The following BBS9 variants were observed in gnomAD, a reference collection of about 807,000 sequenced individuals.
BBS9 encodes protein PTHB1.
In BBS9, 89 loss-of-function variants were observed where a neutral mutation model predicts 117.7. The ratio of observed to expected loss-of-function variants is 0.76; its 90% CI spans 0.64 to 0.90. BBS9 has a LOEUF of 0.90. Among genes scored for constraint, BBS9 ranks in the 40% least tolerant of loss-of-function variants. BBS9 has a pLI of 0.00. For synonymous variants in BBS9, 379 were observed against 370.9 expected, an observed-to-expected ratio of 1.02 and a Z score of -0.25; for missense variants, 982 against 1,042.2, an observed-to-expected ratio of 0.94 and a Z score of 0.80.
intron 5 of BBS9, among the ~76,000 whole-genome samples, chr7:33,190,091 GA>G (rs1363377276): frequency 6.8e-6 from 1 of 146,426 alleles, no homozygotes; most frequent in Non-Finnish European, 1.5e-5. Flanking sequence ...TTCTTTTCTT[GA>G]TTATAGAGCT....
intron 19 of BBS9, among the ~76,000 whole-genome samples, chr7:33,404,220 A>G (rs1829491435): frequency 1.3e-5 from 2 of 152,214 alleles, no homozygotes; most frequent in South Asian, 4.2e-4. Flanking sequence ...TTTTGGTACC[A>G]GTACCATGCT....
At chr7:33,543,699 GAATTTCCC>G in intron 21 of BBS9, among the ~76,000 whole-genome samples, 1 of 152,278 alleles carries the variant, frequency 6.6e-6, no homozygotes, top group South Asian at 2.1e-4. Flanking sequence ...TTTTTGCGAT[GAATTTCCC>G]AGGTGTTCTT....
intron 18 of BBS9, 125 bp downstream of exon 18, chr7:33,383,963 ATGG>A: frequency 9.6e-7 from 1 of 1,038,412 alleles, no homozygotes. Flanking sequence ...TCTTATGTGG[ATGG>A]TGGATTTCGT....
chr7:33,408,050 C>G (rs1217731192), intron 19 of BBS9, among the ~76,000 whole-genome samples: 1 of 152,250 alleles, frequency 6.6e-6, no homozygotes, highest in East Asian at 1.9e-4. Flanking sequence ...GTGGAGCCTA[C>G]AGAGGCAGGC....
At chr7:33,332,798 A>G (rs1365580563) in intron 9 of BBS9, among the ~76,000 whole-genome samples, 2 of 152,188 alleles carry the variant, frequency 1.3e-5, no homozygotes, top group African/African-American at 4.8e-5. Context: ...GCTTTTTGAA[A>G]TTTATTCATT....
intron 1 of BBS9, among the ~76,000 whole-genome samples, chr7:33,130,446 T>A (rs901880617): frequency 3.3e-4 from 50 of 152,226 alleles, no homozygotes; most frequent in Non-Finnish European, 2.9e-5. Flanking sequence ...ACAGTTTAGA[T>A]GAGCTGCGCT....
chr7:33,150,974 T>A (rs934841571), intron 2 of BBS9, among the ~76,000 whole-genome samples: 1 of 152,212 alleles, frequency 6.6e-6, no homozygotes, highest in Non-Finnish European at 1.5e-5. Flanking sequence ...TACTGTTTTG[T>A]ACCGCATTTC....
chr7:33,427,537 TG>T (rs984099832), intron 19 of BBS9, among the ~76,000 whole-genome samples: 2 of 152,262 alleles, frequency 1.3e-5, no homozygotes, highest in Non-Finnish European at 2.9e-5. Context: ...GTTTTGCTAC[TG>T]TTCTTTTCTG....
intron 21 of BBS9, among the ~76,000 whole-genome samples, chr7:33,604,515 C>G (rs1230343689): frequency 6.6e-6 from 1 of 152,142 alleles, no homozygotes; most frequent in Non-Finnish European, 1.5e-5. Flanking sequence ...TTCTGATGCT[C>G]TGGTATTAAA....
intron 21 of BBS9, among the ~76,000 whole-genome samples, chr7:33,596,492 G>A (rs1862834774): frequency 6.6e-6 from 1 of 151,934 alleles, no homozygotes; most frequent in African/African-American, 2.4e-5. Flanking sequence ...AAGCCCTTTG[G>A]TCTGAAGTCC....
At chr7:33,333,803 G>C (rs1192846494) in intron 9 of BBS9, among the ~76,000 whole-genome samples, 1 of 152,018 alleles carries the variant, frequency 6.6e-6, no homozygotes, top group Admixed American at 6.6e-5. Context: ...GTGGAGATGG[G>C]ATTTCACCAC....
At chr7:33,282,013 C>T (rs1278250554) in intron 9 of BBS9, among the ~76,000 whole-genome samples, 3 of 151,476 alleles carry the variant, frequency 2.0e-5, no homozygotes, top group Non-Finnish European at 4.4e-5. Context: ...TAGGATCTCC[C>T]TATGTTGCCA....
intron 21 of BBS9, among the ~76,000 whole-genome samples, chr7:33,580,335 C>T (rs1034897553): frequency 5.3e-5 from 8 of 151,346 alleles, no homozygotes; most frequent in Admixed American, 4.6e-4. Context: ...AAGTTAATCA[C>T]GAGGCATTGT....
chr7:33,302,390 G>T (rs1806664805), intron 9 of BBS9, among the ~76,000 whole-genome samples: 1 of 152,028 alleles, frequency 6.6e-6, no homozygotes, highest in Non-Finnish European at 1.5e-5. Context: ...GTGTTTTCTT[G>T]TAGTGGTTTC....
chr7:33,246,600 T>C (rs1490337337), intron 5 of BBS9, among the ~76,000 whole-genome samples: 1 of 152,170 alleles, frequency 6.6e-6, no homozygotes, highest in Non-Finnish European at 1.5e-5. Flanking sequence ...AGTTTGAAAC[T>C]GGTTATATTT....
At chr7:33,252,175 C>G (rs1406810014) in intron 5 of BBS9, among the ~76,000 whole-genome samples, 4 of 152,272 alleles carry the variant, frequency 2.6e-5, no homozygotes, top group Non-Finnish European at 5.9e-5. Flanking sequence ...TGATAAATCA[C>G]TCACTATCAT....
At chr7:33,375,046 C>T (rs980146983) in intron 17 of BBS9, among the ~76,000 whole-genome samples, 7 of 151,742 alleles carry the variant, frequency 4.6e-5, no homozygotes, top group African/African-American at 1.5e-4. Context: ...GTTTATGATA[C>T]GAATACAAGC....
intron 4 of BBS9, among the ~76,000 whole-genome samples, chr7:33,175,733 ACTTAT>A (rs1398164882): frequency 6.6e-6 from 1 of 152,140 alleles, no homozygotes; most frequent in African/African-American, 2.4e-5. Context: ...AAAAATCTTT[ACTTAT>A]CTTAGGTTCT....
chr7:33,248,918 T>G (rs1795796742), intron 5 of BBS9, among the ~76,000 whole-genome samples: 1 of 152,184 alleles, frequency 6.6e-6, no homozygotes, highest in South Asian at 2.1e-4. Context: ...GACAGCTGCA[T>G]GCTGAACTGC....
Sources: allele counts gnomAD v4.1 joint callset (sites outside exome capture counted in the v4.1 genomes callset), GRCh38; gene constraint gnomAD v4.1.1; transcripts MANE v1.5; gene names NCBI Gene and HGNC (gene_info 2026-07-23, HGNC 2026-07-21).